Variants in CRYBA4 observed in about 807,000 individuals in gnomAD.
The protein encoded by CRYBA4 is beta-crystallin A4.
CRYBA4 carries 30 observed loss-of-function variants against 31.7 expected under a neutral mutation model. The observed-to-expected ratio is 0.95, with a 90% confidence interval of 0.71 to 1.28. CRYBA4 has a LOEUF of 1.28. Ranked by LOEUF, CRYBA4 falls within the 50% of genes most tolerant of loss-of-function variation. CRYBA4 has a pLI of 0.00. For missense variants in CRYBA4, 225 were observed against 260.7 expected (o/e 0.86, Z 0.94); for synonymous variants, 102 against 102.3 (o/e 1.00, Z 0.02).
At chr22:26,627,805 C>T (rs9620621) in intron 4 of CRYBA4, among the ~76,000 whole-genome samples, 3,407 of 152,066 alleles carry the variant, frequency 0.022, 125 homozygotes, top group African/African-American at 0.078. Context: ...TGTGCCACCA[C>T]GCTTGGCTAA....
At chr22:26,593,805 T>C in the CRYBA4 span, among the ~76,000 whole-genome samples, 1 of 152,176 alleles carries the variant, frequency 6.6e-6, no homozygotes, top group Admixed American at 6.5e-5. Context: ...GGATTACAAG[T>C]GTGAGCCACC....
chr22:26,627,350 TCCCTCCC>T (rs1929733497), intron 4 of CRYBA4, among the ~76,000 whole-genome samples: 1 of 30,144 alleles, frequency 3.3e-5, no homozygotes, highest in Non-Finnish European at 4.8e-5. Context: ...CCTCCCTCCC[TCCCTCCC>T]TCCTTTCTTT....
Position 26,628,739 on chromosome 22 carries a change from A to G in CRYBA4, c.443+309A>G, listed in dbSNP as rs141721420. Reference sequence around the variant, plus strand: ...TTGCCCTGCCTGCCTCTGTGTGACTATATTCTTAGACAAGCTCTTCCTGTG... The same window carrying G: ...TTGCCCTGCCTGCCTCTGTGTGACTGTATTCTTAGACAAGCTCTTCCTGTG... On this transcript the variant is annotated intron_variant, in intron 5 of 5. Transcript: ENST00000354760. Among the ~76,000 whole-genome samples, 258 of 152,224 alleles carry G rather than the reference A, an allele frequency of 1.7e-3. 1 individual carries two copies. The highest frequency in any genetic ancestry group is 5.9e-3 in the African/African-American group (247 of 41,534).
the CRYBA4 span, among the ~76,000 whole-genome samples, chr22:26,603,152 C>T: frequency 7.1e-6 from 1 of 140,348 alleles, no homozygotes; most frequent in African/African-American, 2.7e-5. Context: ...AAACAAAAAA[C>T]AAATCCTGCC....
the CRYBA4 span, chr22:26,608,042 G>A: frequency 9.9e-6 from 16 of 1,613,962 alleles, no homozygotes; most frequent in African/African-American, 1.7e-4. Flanking sequence ...GAAGGACCAT[G>A]AGGCAGACAG....
chr22:26,606,702 T>G, the CRYBA4 span, among the ~76,000 whole-genome samples: 8 of 152,200 alleles, frequency 5.3e-5, 1 homozygote. Flanking sequence ...TAAGATAAAT[T>G]TGGTGATGTC....
rs200467437 is a variant in CRYBA4, at chr22:26,628,478, G to C, written c.443+48G>C. The C allele has an allele frequency of 9.9e-6, 16 of 1,608,876 alleles. No individual in the cohort carries two copies. The East Asian group carries it at 3.3e-4, about 34-fold the overall frequency. On this transcript the variant is annotated intron_variant, in intron 5 of 5. Coordinates refer to ENST00000354760, the MANE Select transcript of CRYBA4 (RefSeq NM_001886.3). ...CTGGCAGGGGAGGGGCTACTGGGAG[G>C]GGTAGGTGTACCTCCTGTGAAAACT...
At chr22:26,601,217 A>T in the CRYBA4 span, among the ~76,000 whole-genome samples, 10 of 152,204 alleles carry the variant, frequency 6.6e-5, no homozygotes, top group African/African-American at 2.2e-4. Context: ...GGTGTCTGGC[A>T]TGGTCATTTG....
the CRYBA4 span, among the ~76,000 whole-genome samples, chr22:26,600,982 G>A: frequency 0.18 from 26,893 of 152,234 alleles, 3,119 homozygotes; most frequent in East Asian, 0.37. Flanking sequence ...CTTGAAGGTA[G>A]GAACTTGGCT....
the CRYBA4 span, among the ~76,000 whole-genome samples, chr22:26,604,906 C>T: frequency 1.3e-5 from 2 of 152,296 alleles, no homozygotes; most frequent in East Asian, 3.9e-4. Flanking sequence ...GAACTTGCCA[C>T]CACCTATGAG....
chr22:26,617,180 T>C (rs1602333786), upstream of CRYBA4, among the ~76,000 whole-genome samples: 1 of 152,162 alleles, frequency 6.6e-6, no homozygotes, highest in African/African-American at 2.4e-5. Flanking sequence ...TGGGGCTGGG[T>C]AGGCTTTGGG....
chr22:26,626,778 C>T (rs1283022336), intron 4 of CRYBA4, among the ~76,000 whole-genome samples: 4 of 152,166 alleles, frequency 2.6e-5, no homozygotes, highest in Non-Finnish European at 5.9e-5. Context: ...TAGGGATGTT[C>T]AACCTATACA....
the CRYBA4 span, among the ~76,000 whole-genome samples, chr22:26,613,387 C>T: frequency 6.6e-5 from 10 of 152,264 alleles, no homozygotes; most frequent in East Asian, 9.6e-4. Context: ...ATGTGTGCCC[C>T]GGGATGTTGC....
the CRYBA4 span, among the ~76,000 whole-genome samples, chr22:26,603,092 C>G: frequency 3.6e-5 from 5 of 139,170 alleles, 1 homozygote; most frequent in Admixed American, 3.8e-4. Context: ...GCCACTTGCA[C>G]ACCAACCTGG....
At chr22:26,592,382 A>T in the CRYBA4 span, among the ~76,000 whole-genome samples, 2 of 152,266 alleles carry the variant, frequency 1.3e-5, no homozygotes, top group African/African-American at 4.8e-5. Context: ...AAGCCTTCAC[A>T]GTAAAGTGAG....
At chr22:26,591,218 A>C in the CRYBA4 span, among the ~76,000 whole-genome samples, 1 of 152,108 alleles carries the variant, frequency 6.6e-6, no homozygotes, top group Non-Finnish European at 1.5e-5. Flanking sequence ...TAAAAATACG[A>C]AAATGACTTT....
rs148722181 is a variant in CRYBA4, at chr22:26,625,430, G to T, written c.159-51G>T. ...CTAGACCCAATTGCTGGTCTAGAAT[G>T]CAGGGTGAGGGGGACGCTTACCTCC... On this transcript the variant is annotated intron_variant, in intron 3 of 5. Coordinates refer to ENST00000354760, the MANE Select transcript of CRYBA4 (RefSeq NM_001886.3). 798 of 1,603,756 alleles carry T rather than the reference G, an allele frequency of 5.0e-4. 1 individual carries two copies. Among genetic ancestry groups the T allele is most frequent in the Non-Finnish European group, 5.6e-4 (655 of 1,173,988 alleles).
At chr22:26,605,692 A>AAT in the CRYBA4 span, among the ~76,000 whole-genome samples, 10 of 148,900 alleles carry the variant, frequency 6.7e-5, no homozygotes, top group East Asian at 2.0e-3. Flanking sequence ...AAAAAAAAAA[A>AAT]GGAAAATAGA....
At chr22:26,594,572 T>C in the CRYBA4 span, among the ~76,000 whole-genome samples, 1 of 152,176 alleles carries the variant, frequency 6.6e-6, no homozygotes, top group African/African-American at 2.4e-5. Context: ...TCCTCAGGCA[T>C]TGTATTTTAA....
Sources: allele counts gnomAD v4.1 joint callset (sites outside exome capture counted in the v4.1 genomes callset), GRCh38; gene constraint gnomAD v4.1.1; transcripts MANE v1.5; gene names NCBI Gene and HGNC (gene_info 2026-07-23, HGNC 2026-07-21).